The following CTNNA3 variants were observed in gnomAD, a reference collection of about 807,000 sequenced individuals.
The protein encoded by CTNNA3 is catenin alpha 3.
Under a neutral mutation model 95.7 loss-of-function variants are expected in CTNNA3, and 76 were observed. The ratio of observed to expected loss-of-function variants is 0.79; its 90% CI spans 0.66 to 0.96. The LOEUF is 0.96. Among genes scored for constraint, CTNNA3 ranks in the 40% least tolerant of loss-of-function variants. The pLI, the probability that CTNNA3 is intolerant of heterozygous loss-of-function variation, is 0.00. For synonymous variants in CTNNA3, 431 were observed against 374.4 expected (o/e 1.15, Z -1.74); for missense variants, 1,191 against 1,089.8 (o/e 1.09, Z -1.31).
chr10:66,250,880 C>T (rs2090521705), intron 13 of CTNNA3, among the ~76,000 whole-genome samples: 2 of 152,102 alleles, frequency 1.3e-5, no homozygotes, highest in Non-Finnish European at 1.5e-5. Flanking sequence ...TTATATGTGG[C>T]CATTTTCTAG....
chr10:66,249,509 C>A (rs775810026), intron 13 of CTNNA3, among the ~76,000 whole-genome samples: 2 of 152,090 alleles, frequency 1.3e-5, no homozygotes, highest in Non-Finnish European at 2.9e-5. Flanking sequence ...ATGTCAATGG[C>A]AAACAGGAAT....
At chr10:67,097,697 A>G (rs1858093306) in intron 7 of CTNNA3, 4 of 1,612,654 alleles carry the variant, frequency 2.5e-6, no homozygotes, top group African/African-American at 2.7e-5. Flanking sequence ...AAACGAATGC[A>G]CAGGAAGATA....
At chr10:67,630,534 GTCT>G (rs1168249290) in intron 2 of CTNNA3, among the ~76,000 whole-genome samples, 1 of 152,146 alleles carries the variant, frequency 6.6e-6, no homozygotes, top group African/African-American at 2.4e-5. Context: ...TTTGGGGGTT[GTCT>G]TCTTATCACA....
chr10:67,323,713 C>A (rs1195538399), intron 5 of CTNNA3, among the ~76,000 whole-genome samples: 3 of 151,978 alleles, frequency 2.0e-5, no homozygotes, highest in Non-Finnish European at 4.4e-5. Context: ...TTTTTGGCCC[C>A]ATAAGAATTT....
chr10:66,669,450 C>T (rs925734958), intron 9 of CTNNA3, among the ~76,000 whole-genome samples: 37 of 151,292 alleles, frequency 2.4e-4, no homozygotes, highest in Non-Finnish European at 3.5e-4. Context: ...GGCTGAGGCA[C>T]GAGAATCACT....
chr10:66,938,761 T>C (rs1057009120), intron 7 of CTNNA3, among the ~76,000 whole-genome samples: 4 of 152,178 alleles, frequency 2.6e-5, no homozygotes, highest in Admixed American at 1.3e-4. Flanking sequence ...TTTCCTGTGA[T>C]AGTTACCAAA....
intron 1 of CTNNA3, among the ~76,000 whole-genome samples, chr10:67,711,133 A>C (rs548743819): frequency 6.6e-6 from 1 of 152,352 alleles, no homozygotes; most frequent in African/African-American, 2.4e-5. Flanking sequence ...GTGGAACTGT[A>C]AGTCCAATAA....
chr10:66,771,065 T>C (rs182849281), intron 8 of CTNNA3, among the ~76,000 whole-genome samples: 42 of 152,236 alleles, frequency 2.8e-4, no homozygotes, highest in African/African-American at 9.6e-4. Flanking sequence ...AAAGCCTACA[T>C]ATTTTTTTCT....
intron 9 of CTNNA3, among the ~76,000 whole-genome samples, chr10:66,742,808 GTTTA>G (rs997823326): frequency 2.0e-5 from 3 of 152,192 alleles, no homozygotes; most frequent in African/African-American, 7.2e-5. Flanking sequence ...CTCAATTTCT[GTTTA>G]TTTGTTTGAC....
chr10:66,294,565 G>A (rs1250290589), intron 12 of CTNNA3, among the ~76,000 whole-genome samples: 1 of 152,146 alleles, frequency 6.6e-6, no homozygotes, highest in African/African-American at 2.4e-5. Flanking sequence ...AAGTTAGGAG[G>A]TTTTAGAGTA....
chr10:65,943,822 T>C (rs932646123), intron 17 of CTNNA3, among the ~76,000 whole-genome samples: 3 of 151,868 alleles, frequency 2.0e-5, no homozygotes, highest in African/African-American at 7.3e-5. Context: ...GCCCCATCAT[T>C]TGTAAAATGG....
intron 15 of CTNNA3, among the ~76,000 whole-genome samples, chr10:66,021,874 G>A (rs1358849383): frequency 4.3e-5 from 1 of 23,348 alleles, no homozygotes; most frequent in Non-Finnish European, 7.9e-5. Context: ...TTTTTAGATA[G>A]ATAGGGTCTC....
intron 9 of CTNNA3, among the ~76,000 whole-genome samples, chr10:66,740,110 A>T (rs913946369): frequency 1.3e-5 from 2 of 152,188 alleles, no homozygotes; most frequent in African/African-American, 4.8e-5. Context: ...GCTTTGAGTT[A>T]TTAAACAAGA....
chr10:67,281,838 A>G (rs1839412262), intron 5 of CTNNA3, among the ~76,000 whole-genome samples: 1 of 152,126 alleles, frequency 6.6e-6, no homozygotes, highest in African/African-American at 2.4e-5. Context: ...TTTAGAGGAC[A>G]TTTTCAATGT....
intron 7 of CTNNA3, among the ~76,000 whole-genome samples, chr10:67,030,887 C>T (rs939706767): frequency 2.0e-5 from 3 of 151,968 alleles, no homozygotes; most frequent in African/African-American, 7.3e-5. Context: ...GTCTGTAATC[C>T]CAGCTACTCA....
intron 2 of CTNNA3, 83 bp from the exon 3 acceptor site, chr10:67,607,132 G>T: frequency 8.8e-7 from 1 of 1,133,758 alleles, no homozygotes; most frequent in Non-Finnish European, 1.3e-6. Context: ...CAGAACAAAA[G>T]ACAGTACAGT....
intron 7 of CTNNA3, among the ~76,000 whole-genome samples, chr10:67,076,620 G>A (rs1368901425): frequency 1.3e-5 from 2 of 152,172 alleles, no homozygotes; most frequent in African/African-American, 2.4e-5. Flanking sequence ...AGGTTTCACT[G>A]TCATATTACA....
At chr10:67,718,485 A>C in intron 1 of CTNNA3, among the ~76,000 whole-genome samples, 1 of 152,206 alleles carries the variant, frequency 6.6e-6, no homozygotes, top group East Asian at 1.9e-4. Context: ...CGTTCCATCA[A>C]TACCTAGTTT....
In CTNNA3 at chr10:67,482,580, G is replaced by A. The variant is rs1192110737; in HGVS notation, c.579+39262C>T. On this transcript the variant is annotated intron_variant, in intron 5 of 17. Coordinates refer to ENST00000433211, the MANE Select transcript of CTNNA3 (RefSeq NM_013266.4). ...GTTATTGGTGTATAAGAATGCTTGCGATTTTTGTACATTGATTTTGTATCC... is the reference window on the plus strand; with the variant it reads ...GTTATTGGTGTATAAGAATGCTTGCAATTTTTGTACATTGATTTTGTATCC... Among the ~76,000 whole-genome samples the A allele has an allele frequency of 5.9e-5, 9 of 152,220 alleles. No homozygotes were observed. The South Asian group carries it at 1.0e-3, about 18-fold the overall frequency.
Sources: gnomAD v4.1 joint callset for allele counts (sites outside exome capture counted in the v4.1 genomes callset) on GRCh38, gnomAD v4.1.1 for gene constraint, MANE v1.5 for transcripts, NCBI Gene and HGNC (gene_info 2026-07-23, HGNC 2026-07-21) for gene names.